AP1S2: variants seen among roughly 807,000 people sequenced by gnomAD.
AP1S2 encodes adaptor related protein complex 1 subunit sigma 2.
A neutral mutation model predicts 14.3 loss-of-function variants in AP1S2; 1 was observed. The ratio of observed to expected loss-of-function variants is 0.07; its 90% CI spans 0.02 to 0.33. The LOEUF (loss-of-function observed/expected upper bound fraction) is 0.33. AP1S2 is among the 10% of genes least tolerant of loss of function. AP1S2 has a pLI of 0.99. For synonymous variants in AP1S2, 30 were observed against 40.5 expected, an observed-to-expected ratio of 0.74 and a Z score of 0.99; for missense variants, 30 against 117.7, an observed-to-expected ratio of 0.25 and a Z score of 3.45.
chrX:15,850,210 C>A (rs1453298951), intron 2 of AP1S2, among the ~76,000 whole-genome samples: 1 of 111,596 alleles, frequency 9.0e-6, no homozygotes, highest in East Asian at 2.8e-4. Flanking sequence ...ACCAGAAAAT[C>A]AGGCTTCTCT....
At chrX:15,851,243 A>G (rs1934167292) in intron 2 of AP1S2, among the ~76,000 whole-genome samples, 1 of 112,715 alleles carries the variant, frequency 8.9e-6, no homozygotes, top group South Asian at 3.6e-4. Flanking sequence ...AAAATCACCC[A>G]AAGATACAAA....
chrX:15,854,261 C>T (rs1222626431), intron 1 of AP1S2, among the ~76,000 whole-genome samples: 1 of 110,515 alleles, frequency 9.0e-6, no homozygotes, highest in African/African-American at 3.3e-5. Context: ...CGGCCGTCGC[C>T]GGTGCCTCCC....
At chrX:15,833,389 C>T (rs1933495721) in intron 4 of AP1S2, 1 of 851,601 alleles carries the variant, frequency 1.2e-6, no homozygotes, top group African/African-American at 2.2e-5. Flanking sequence ...GATGATAAGC[C>T]AAACTATTCT....
At chrX:15,845,685 C>T (rs1357452390) in intron 3 of AP1S2, among the ~76,000 whole-genome samples, 169 bp from the exon 4 acceptor site, 2 of 110,954 alleles carry the variant, frequency 1.8e-5, no homozygotes, top group East Asian at 5.6e-4. Flanking sequence ...GCTTAATTTC[C>T]AAATCTCAAG....
chrX:15,833,398 C>G, intron 4 of AP1S2: 1 of 859,967 alleles, frequency 1.2e-6, no homozygotes, highest in Non-Finnish European at 1.4e-6. Flanking sequence ...CCAAACTATT[C>G]TTTATAGCCA....
At chrX:15,835,940 C>CA (rs1447124786) in intron 4 of AP1S2, among the ~76,000 whole-genome samples, 1 of 109,906 alleles carries the variant, frequency 9.1e-6, no homozygotes, top group Non-Finnish European at 1.9e-5. Context: ...CCTGTCCCTA[C>CA]AAAAAATAAA....
At chrX:15,831,347 T>G in intron 4 of AP1S2, 3 of 754,902 alleles carry the variant, frequency 4.0e-6, no homozygotes, top group Non-Finnish European at 4.7e-6. Context: ...ACATATAGAA[T>G]GAAAATAAAA....
At chrX:15,854,393 G>A (rs1339600967) in intron 1 of AP1S2, among the ~76,000 whole-genome samples, 2 of 112,525 alleles carry the variant, frequency 1.8e-5, no homozygotes, top group African/African-American at 6.4e-5. Context: ...GGCCGCCACC[G>A]CCCCCGGCCC....
chrX:15,848,715 GTTA>G (rs1028779006), intron 2 of AP1S2, among the ~76,000 whole-genome samples: 4 of 111,769 alleles, frequency 3.6e-5, no homozygotes, highest in Non-Finnish European at 7.5e-5. Flanking sequence ...GGTATGTTTG[GTTA>G]TTTTTAGCAC....
intron 4 of AP1S2, among the ~76,000 whole-genome samples, chrX:15,834,481 A>ATATATATATATATATATATAAT (rs1569080380): frequency 1.5e-4 from 2 of 13,012 alleles, no homozygotes; most frequent in African/African-American, 4.1e-4. Flanking sequence ...TATATATATA[A>ATATATATATATATATATATAAT]TTTTTTTTTT....
Position 15,828,308 on chromosome X carries a change from T to C in AP1S2, c.427-108A>G, listed in dbSNP as rs925839891. 12 of 536,159 alleles carry C rather than the reference T, an allele frequency of 2.2e-5. No individual in the cohort carries two copies. The African/African-American group carries it at 2.4e-4, about 11-fold the overall frequency. The allele number at this position is 536,159 out of a possible 1,213,427, so 44.2% of individuals were successfully genotyped here. On this transcript the variant is annotated intron_variant, in intron 4 of 5. Transcript: ENST00000672987. Reference sequence around the variant, plus strand: ...ACTTCATGGTGTAATCTTAAGTAAATTACTTAAACTCTATGGTCTGTTTCC... The same window carrying C: ...ACTTCATGGTGTAATCTTAAGTAAACTACTTAAACTCTATGGTCTGTTTCC...
intron 2 of AP1S2, among the ~76,000 whole-genome samples, chrX:15,851,272 A>G (rs1451876254): frequency 8.9e-6 from 1 of 112,561 alleles, no homozygotes; most frequent in East Asian, 2.8e-4. Context: ...AGATCATTCA[A>G]TAATAAAGAG....
intron 4 of AP1S2, among the ~76,000 whole-genome samples, chrX:15,839,466 C>T (rs780117399): frequency 7.5e-5 from 8 of 107,266 alleles, no homozygotes; most frequent in African/African-American, 2.7e-4. Flanking sequence ...TCTGTTTTCC[C>T]TCCCTCCCTC....
intron 4 of AP1S2, among the ~76,000 whole-genome samples, chrX:15,835,696 C>T (rs193180393): frequency 9.9e-5 from 11 of 110,986 alleles, no homozygotes; most frequent in South Asian, 3.7e-4. Flanking sequence ...CTTTACTTTA[C>T]GTGCTGAAAC....
chrX:15,833,353 T>C, intron 4 of AP1S2: 8 of 853,972 alleles, frequency 9.4e-6, no homozygotes, highest in Non-Finnish European at 1.1e-5. Flanking sequence ...ACACACCTTT[T>C]ACTGCTTTTA....
intron 2 of AP1S2, among the ~76,000 whole-genome samples, chrX:15,847,359 C>G (rs1487568106): frequency 1.8e-5 from 2 of 110,761 alleles, no homozygotes; most frequent in African/African-American, 6.6e-5. Flanking sequence ...ACAGCGCCTA[C>G]AAGTGCTAGT....
At chrX:15,847,324 CAAAA>C (rs57440814) in intron 2 of AP1S2, among the ~76,000 whole-genome samples, 1 of 104,305 alleles carries the variant, frequency 9.6e-6, no homozygotes, top group Non-Finnish European at 2.0e-5. Context: ...TAAAAAAAGA[CAAAA>C]AAAAAATGAG....
intron 2 of AP1S2, among the ~76,000 whole-genome samples, chrX:15,850,518 A>AT (rs11355576): frequency 4.8e-4 from 46 of 96,058 alleles, no homozygotes; most frequent in Middle Eastern, 5.3e-3. Flanking sequence ...CGCCCAGCTA[A>AT]TTTTTTTTTT....
chrX:15,827,557 A>C (rs775170215), intron 5 of AP1S2, among the ~76,000 whole-genome samples, 185 bp from the exon 6 acceptor site: 1 of 112,035 alleles, frequency 8.9e-6, no homozygotes, highest in Non-Finnish European at 1.9e-5. Flanking sequence ...AGACCACAAA[A>C]GGACGTTTTC....
Sources: gnomAD v4.1 joint callset for allele counts (sites outside exome capture counted in the v4.1 genomes callset) on GRCh38, gnomAD v4.1.1 for gene constraint, MANE v1.5 for transcripts, NCBI Gene and HGNC (gene_info 2026-07-23, HGNC 2026-07-21) for gene names.